CSMD1: variants seen among roughly 807,000 people sequenced by gnomAD.
CSMD1 encodes CUB and sushi domain-containing protein 1.
In CSMD1, 213 loss-of-function variants were observed where a neutral mutation model predicts 417.5. The observed-to-expected ratio is 0.51, with a 90% CI of 0.46 to 0.57. The LOEUF is 0.57. CSMD1 is among the 20% of genes least tolerant of loss of function. The pLI, the probability that CSMD1 is intolerant of heterozygous loss-of-function variation, is 0.00. For missense variants in CSMD1, 6,923 were observed against 4,529.7 expected (o/e 1.53, Z -15.17); for synonymous variants, 2,862 against 1,736.8 (o/e 1.65, Z -16.11).
intron 1 of CSMD1, among the ~76,000 whole-genome samples, chr8:4,686,116 A>C (rs1401698327): frequency 6.6e-6 from 1 of 152,212 alleles, no homozygotes; most frequent in African/African-American, 2.4e-5. Flanking sequence ...GCTGTGTCAG[A>C]AAATTTGAGA....
chr8:4,095,933 AT>A (rs1204515749), intron 3 of CSMD1, among the ~76,000 whole-genome samples: 1 of 152,216 alleles, frequency 6.6e-6, no homozygotes, highest in Non-Finnish European at 1.5e-5. Flanking sequence ...TAAATGTATC[AT>A]TCCTAAAAAG....
intron 7 of CSMD1, among the ~76,000 whole-genome samples, chr8:3,654,265 T>C (rs934511119): frequency 1.3e-4 from 20 of 152,294 alleles, no homozygotes; most frequent in Middle Eastern, 3.4e-3. Flanking sequence ...AAAATGACAT[T>C]CTTAGCCAAA....
At position 3,536,054 on chromosome 8, in the gene CSMD1, G is replaced by A. The variant is rs546425763; in HGVS notation, c.1344+38891C>T. Among the ~76,000 whole-genome samples the A allele has an allele frequency of 2.1e-3, 317 of 152,266 alleles. 1 individual carries two copies. Among genetic ancestry groups the A allele is most frequent in the Non-Finnish European group, 3.6e-3 (243 of 68,018 alleles). On this transcript the variant is annotated intron_variant, in intron 10 of 69. Transcript: ENST00000635120. The stretch of plus-strand genomic sequence containing the variant: ...AGCGACCACGCTGTCATAGTCACAG[G>A]TCCTGGCCATACACAAGTAGAGATG...
chr8:4,765,539 G>A (rs1050675464), intron 1 of CSMD1, among the ~76,000 whole-genome samples: 1 of 152,220 alleles, frequency 6.6e-6, no homozygotes, highest in Non-Finnish European at 1.5e-5. Flanking sequence ...GGCAAAGAAA[G>A]AAATGGAAAT....
chr8:4,064,727 C>T (rs765692255), intron 3 of CSMD1, among the ~76,000 whole-genome samples: 37 of 152,324 alleles, frequency 2.4e-4, no homozygotes, highest in Non-Finnish European at 4.4e-4. Context: ...CCGTACTCAA[C>T]CTTCACAACC....
chr8:3,652,263 C>A (rs373711564), intron 7 of CSMD1, among the ~76,000 whole-genome samples: 9 of 152,068 alleles, frequency 5.9e-5, no homozygotes, highest in Admixed American at 5.2e-4. Context: ...CACTTACCAC[C>A]ATCAGTGCGC....
chr8:3,929,022 T>C (rs140296183), intron 5 of CSMD1, among the ~76,000 whole-genome samples: 1 of 150,500 alleles, frequency 6.6e-6, no homozygotes, highest in African/African-American at 2.5e-5. Flanking sequence ...GGTTTCCCTG[T>C]AACTCTCAGG....
chr8:4,417,838 CTT>C (rs1179618573), intron 3 of CSMD1, among the ~76,000 whole-genome samples: 6 of 151,992 alleles, frequency 3.9e-5, no homozygotes, highest in Non-Finnish European at 8.8e-5. Flanking sequence ...TTTATGCACT[CTT>C]AATAAATTCT....
At chr8:3,729,922 T>TAAAAAAAAAAAAAA in intron 6 of CSMD1, among the ~76,000 whole-genome samples, 5 of 47,058 alleles carry the variant, frequency 1.1e-4, no homozygotes, top group African/African-American at 6.8e-4. Flanking sequence ...CAATTCAAAG[T>TAAAAAAAAAAAAAA]AAAAAAAAAA....
intron 1 of CSMD1, among the ~76,000 whole-genome samples, chr8:4,804,526 CGT>C (rs965750149): frequency 7.2e-6 from 1 of 139,352 alleles, no homozygotes; most frequent in Non-Finnish European, 1.5e-5. Flanking sequence ...AAAGAATGGA[CGT>C]GAGAGAGAGA....
At chr8:4,805,345 A>C (rs1250778654) in intron 1 of CSMD1, among the ~76,000 whole-genome samples, 1 of 152,206 alleles carries the variant, frequency 6.6e-6, no homozygotes, top group African/African-American at 2.4e-5. Context: ...AAAATTGTGA[A>C]GCACTCTGCC....
At chr8:3,706,593 C>T (rs999483330) in intron 7 of CSMD1, among the ~76,000 whole-genome samples, 2 of 152,134 alleles carry the variant, frequency 1.3e-5, no homozygotes, top group Non-Finnish European at 2.9e-5. Flanking sequence ...AAGAGATATT[C>T]TCCTTATTAC....
At chr8:3,489,810 G>C (rs76082253) in intron 11 of CSMD1, among the ~76,000 whole-genome samples, 7 of 152,122 alleles carry the variant, frequency 4.6e-5, no homozygotes, top group East Asian at 1.9e-4. Context: ...TTAAAATCGA[G>C]ATGTAACTAG....
At chr8:3,614,886 G>A (rs757655571) in intron 8 of CSMD1, among the ~76,000 whole-genome samples, 22 of 152,112 alleles carry the variant, frequency 1.4e-4, no homozygotes, top group Non-Finnish European at 2.8e-4. Context: ...TGTCAACTCT[G>A]ACAAAGGGGC....
chr8:4,239,894 C>A (rs1802288292), intron 3 of CSMD1, among the ~76,000 whole-genome samples: 2 of 152,126 alleles, frequency 1.3e-5, no homozygotes, highest in Non-Finnish European at 2.9e-5. Flanking sequence ...GCAGCATTAG[C>A]AATTTGCATA....
intron 5 of CSMD1, among the ~76,000 whole-genome samples, chr8:3,936,204 C>G (rs919959251): frequency 2.0e-5 from 3 of 149,360 alleles, no homozygotes; most frequent in Non-Finnish European, 3.0e-5. Context: ...AAAAAGCCAT[C>G]TGCGTAACAT....
At chr8:4,923,818 T>C (rs532880195) in intron 1 of CSMD1, among the ~76,000 whole-genome samples, 23 of 152,216 alleles carry the variant, frequency 1.5e-4, no homozygotes, top group African/African-American at 5.5e-4. Context: ...ATTCCAATAA[T>C]GAGTTTTCAA....
intron 2 of CSMD1, among the ~76,000 whole-genome samples, chr8:4,436,299 C>G (rs972149255): frequency 6.6e-6 from 1 of 151,916 alleles, no homozygotes; most frequent in Non-Finnish European, 1.5e-5. Context: ...TTTTTTTCAT[C>G]TTATCTGTTT....
At chr8:3,016,071 T>C (rs755277228) in intron 52 of CSMD1, among the ~76,000 whole-genome samples, 1 of 152,206 alleles carries the variant, frequency 6.6e-6, no homozygotes, top group African/African-American at 2.4e-5. Context: ...TACTTCTCTA[T>C]GCTTTCTTTC....
Sources: allele counts gnomAD v4.1 joint callset (sites outside exome capture counted in the v4.1 genomes callset), GRCh38; gene constraint gnomAD v4.1.1; transcripts MANE v1.5; gene names NCBI Gene and HGNC (gene_info 2026-07-23, HGNC 2026-07-21).